The following NRG1 variants were observed in gnomAD, a reference collection of about 807,000 sequenced individuals.
NRG1 encodes pro-neuregulin-1, membrane-bound isoform.
NRG1 carries 18 observed loss-of-function variants against 63.8 expected under a neutral mutation model. That is an observed-to-expected ratio of 0.28 (90% CI 0.19 to 0.42). The LOEUF is 0.42. Among genes scored for constraint, NRG1 ranks in the 10% least tolerant of loss-of-function variants. The probability of loss-of-function intolerance (pLI) is 1.00; values close to 1 mark genes in which losing one functional copy is unlikely to be tolerated. For synonymous variants in NRG1, 302 were observed against 301.3 expected (o/e 1.00, Z -0.02); for missense variants, 762 against 814.7 (o/e 0.94, Z 0.79).
chr8:31,988,875 G>A (rs1016245270), intron 1 of NRG1, among the ~76,000 whole-genome samples: 53 of 152,040 alleles, frequency 3.5e-4, no homozygotes, highest in African/African-American at 1.1e-3. Context: ...AGCAAATTCC[G>A]GAATTCTTTT....
intron 1 of NRG1, among the ~76,000 whole-genome samples, chr8:32,510,097 AAATAATAATAAT>A (rs57367955): frequency 2.9e-5 from 4 of 139,106 alleles, no homozygotes; most frequent in Non-Finnish European, 4.7e-5. Flanking sequence ...TCCTAGACAA[AAATAATAATAAT>A]AATAATAATA....
intron 1 of NRG1, among the ~76,000 whole-genome samples, chr8:32,564,497 ATAAAGT>A (rs1554584413): frequency 6.6e-6 from 1 of 152,242 alleles, no homozygotes; most frequent in Non-Finnish European, 1.5e-5. Flanking sequence ...TTATAGGGTA[ATAAAGT>A]TAAAAGCTGC....
chr8:32,101,481 T>G (rs757810937), intron 1 of NRG1, among the ~76,000 whole-genome samples: 3,158 of 37,468 alleles, frequency 0.084, 53 homozygotes, highest in South Asian at 0.19. Flanking sequence ...AAAGCAGATT[T>G]TTTTTTTTTT....
chr8:32,557,810 G>A (rs1001544179), intron 1 of NRG1, among the ~76,000 whole-genome samples: 1 of 152,102 alleles, frequency 6.6e-6, no homozygotes, highest in African/African-American at 2.4e-5. Context: ...TGAATACTGA[G>A]TTGAATGGAA....
intron 1 of NRG1, among the ~76,000 whole-genome samples, chr8:31,690,786 T>A (rs1467434976): frequency 6.6e-6 from 1 of 152,108 alleles, no homozygotes; most frequent in Admixed American, 6.6e-5. Flanking sequence ...TCAACTGAAA[T>A]AAGGAAGGCT....
intron 1 of NRG1, among the ~76,000 whole-genome samples, chr8:32,167,639 G>T (rs1334807512): frequency 6.6e-6 from 1 of 152,196 alleles, no homozygotes; most frequent in Non-Finnish European, 1.5e-5. Context: ...ATGATAAAAT[G>T]TAGGAAATGG....
chr8:31,881,466 A>C (rs2129612758), intron 1 of NRG1, among the ~76,000 whole-genome samples: 1 of 152,302 alleles, frequency 6.6e-6, no homozygotes, highest in Admixed American at 6.5e-5. Context: ...CTTGAGACAA[A>C]ATAATACTGA....
chr8:31,764,496 T>C (rs186984649), intron 1 of NRG1, among the ~76,000 whole-genome samples: 15 of 152,320 alleles, frequency 9.8e-5, no homozygotes, highest in Non-Finnish European at 1.6e-4. Context: ...ATAATATGTA[T>C]TGAAGGTAGA....
chr8:32,052,408 TG>T (rs1177036213), intron 1 of NRG1, among the ~76,000 whole-genome samples: 1 of 151,702 alleles, frequency 6.6e-6, no homozygotes, highest in Non-Finnish European at 1.5e-5. Flanking sequence ...ACTGAGTAGC[TG>T]GGACTACAGG....
chr8:32,116,100 G>A (rs1443866117), intron 1 of NRG1, among the ~76,000 whole-genome samples: 5 of 152,192 alleles, frequency 3.3e-5, no homozygotes, highest in Non-Finnish European at 5.9e-5. Context: ...TTTCAAACAC[G>A]TCAGTTTCTA....
chr8:31,753,198 C>T (rs141210855), intron 1 of NRG1, among the ~76,000 whole-genome samples: 1 of 152,054 alleles, frequency 6.6e-6, no homozygotes, highest in African/African-American at 2.4e-5. Flanking sequence ...TATACAGAAG[C>T]CACCTTCCAA....
intron 5 of NRG1, among the ~76,000 whole-genome samples, chr8:32,713,441 G>A (rs1405043091): frequency 1.3e-5 from 2 of 151,744 alleles, no homozygotes; most frequent in Non-Finnish European, 2.9e-5. Context: ...TTACAAAACT[G>A]GCATCCTAGA....
intron 1 of NRG1, among the ~76,000 whole-genome samples, chr8:32,503,043 C>T (rs539124340): frequency 1.3e-4 from 20 of 151,806 alleles, no homozygotes; most frequent in Non-Finnish European, 2.9e-5. Context: ...CCCAGCACTT[C>T]GGGAGGCTGA....
chr8:31,944,200 G>C (rs1474330231), intron 1 of NRG1, among the ~76,000 whole-genome samples: 1 of 152,126 alleles, frequency 6.6e-6, no homozygotes, highest in Admixed American at 6.6e-5. Flanking sequence ...CAGAATTAAA[G>C]GTCTAGATAG....
intron 1 of NRG1, among the ~76,000 whole-genome samples, chr8:32,210,979 G>A (rs1393784003): frequency 1.3e-5 from 2 of 152,152 alleles, no homozygotes; most frequent in South Asian, 2.1e-4. Flanking sequence ...TTTTTACTTG[G>A]TTGCTCACAA....
intron 1 of NRG1, among the ~76,000 whole-genome samples, chr8:32,513,397 C>T (rs1829447963): frequency 2.7e-5 from 4 of 147,418 alleles, no homozygotes; most frequent in Admixed American, 2.0e-4. Context: ...AAAATTCTTG[C>T]AACATTTAGC....
chr8:31,995,914 T>C (rs999207254), intron 1 of NRG1, among the ~76,000 whole-genome samples: 1 of 151,946 alleles, frequency 6.6e-6, no homozygotes, highest in African/African-American at 2.4e-5. Flanking sequence ...ATCCTTTTTT[T>C]CTATTTCCGT....
At chr8:32,424,351 C>T (rs948772585) in intron 1 of NRG1, among the ~76,000 whole-genome samples, 1 of 152,126 alleles carries the variant, frequency 6.6e-6, no homozygotes, top group African/African-American at 2.4e-5. Context: ...ACACACTTCA[C>T]TATGGCTTCT....
intron 1 of NRG1, among the ~76,000 whole-genome samples, chr8:32,252,695 T>A (rs937988322): frequency 1.3e-5 from 2 of 152,198 alleles, no homozygotes; most frequent in African/African-American, 4.8e-5. Flanking sequence ...TTTGGTTCCA[T>A]ATGAAATTTA....
Sources: allele counts gnomAD v4.1 joint callset (sites outside exome capture counted in the v4.1 genomes callset), GRCh38; gene constraint gnomAD v4.1.1; transcripts MANE v1.5; gene names NCBI Gene and HGNC (gene_info 2026-07-23, HGNC 2026-07-21).